Variants in OPHN1 observed in about 807,000 individuals in gnomAD.
OPHN1 encodes oligophrenin-1.
Under a neutral mutation model 60.7 loss-of-function variants are expected in OPHN1, and 11 were observed. The observed-to-expected ratio is 0.18, with a 90% CI of 0.11 to 0.30. OPHN1 has a LOEUF of 0.30. OPHN1 is among the 10% of genes least tolerant of loss of function. The pLI, the probability that OPHN1 is intolerant of heterozygous loss-of-function variation, is 1.00. For synonymous variants in OPHN1, 226 were observed against 222.6 expected (o/e 1.02, Z -0.14); for missense variants, 449 against 611.0 (o/e 0.73, Z 2.80).
At chrX:68,332,484 T>G (rs918422393) in intron 2 of OPHN1, among the ~76,000 whole-genome samples, 1 of 112,247 alleles carries the variant, frequency 8.9e-6, no homozygotes, top group African/African-American at 3.2e-5. Context: ...TTATCACCAA[T>G]AGTTAAGAAC....
At chrX:68,090,242 CTGTGTGTGTGTGTGTGTG>C (rs10549357) in intron 19 of OPHN1, among the ~76,000 whole-genome samples, 3 of 98,161 alleles carry the variant, frequency 3.1e-5, no homozygotes, top group African/African-American at 1.1e-4. Flanking sequence ...GTGTGTGTGT[CTGTGTGTGTGTGTGTGTG>C]TGTGTGTGTG....
At chrX:68,322,072 G>A (rs2078238481) in intron 2 of OPHN1, among the ~76,000 whole-genome samples, 1 of 111,130 alleles carries the variant, frequency 9.0e-6, no homozygotes, top group Non-Finnish European at 1.9e-5. Context: ...CCTGGCTCAG[G>A]TTATCCTCCC....
chrX:68,420,894 A>T (rs1367667375), intron 2 of OPHN1, among the ~76,000 whole-genome samples: 2 of 109,832 alleles, frequency 1.8e-5, no homozygotes, highest in East Asian at 2.9e-4. Flanking sequence ...AGAGTTCCTG[A>T]AGGGTAGAAA....
intron 5 of OPHN1, among the ~76,000 whole-genome samples, chrX:68,247,772 A>ACC: frequency 9.3e-6 from 1 of 107,092 alleles, no homozygotes; most frequent in African/African-American, 3.5e-5. Context: ...AAAAAAAAAC[A>ACC]CACAAAAATT....
At chrX:68,327,974 C>T (rs1162831541) in intron 2 of OPHN1, among the ~76,000 whole-genome samples, 7 of 101,467 alleles carry the variant, frequency 6.9e-5, no homozygotes, top group Non-Finnish European at 7.9e-5. Context: ...GGACTACAGG[C>T]GCCCGCCACC....
chrX:68,065,170 G>A (rs941183838), intron 20 of OPHN1, among the ~76,000 whole-genome samples: 1 of 110,991 alleles, frequency 9.0e-6, no homozygotes, highest in Admixed American at 9.6e-5. Flanking sequence ...CAGAGGTTCC[G>A]GCCAGCAAAT....
At chrX:68,264,892 G>A (rs1449081015) in intron 5 of OPHN1, among the ~76,000 whole-genome samples, 1 of 112,576 alleles carries the variant, frequency 8.9e-6, no homozygotes, top group Non-Finnish European at 1.9e-5. Context: ...CCCATGCATG[G>A]CTTGGAGGGT....
intron 5 of OPHN1, among the ~76,000 whole-genome samples, chrX:68,268,988 T>C (rs1486935329): frequency 2.7e-5 from 3 of 111,423 alleles, no homozygotes; most frequent in Non-Finnish European, 5.6e-5. Flanking sequence ...CCATTCACAA[T>C]TGCTTCAAAG....
chrX:68,180,439 T>C (rs1436843946), intron 15 of OPHN1, among the ~76,000 whole-genome samples: 1 of 111,792 alleles, frequency 8.9e-6, no homozygotes, highest in Non-Finnish European at 1.9e-5. Context: ...GATTATAGGG[T>C]CATTTAATGA....
intron 5 of OPHN1, among the ~76,000 whole-genome samples, chrX:68,269,258 A>C (rs933091902): frequency 1.8e-5 from 2 of 111,655 alleles, no homozygotes; most frequent in African/African-American, 3.3e-5. Flanking sequence ...ATATGGAACC[A>C]AAAAAGAGCC....
In OPHN1 at chrX:68,158,862, G is replaced by C. The variant is rs899234991; in HGVS notation, c.1276+34057C>G. Among the ~76,000 whole-genome samples, 3 of 112,129 alleles carry C rather than the reference G, an allele frequency of 2.7e-5. No homozygotes were observed. In the East Asian group the frequency reaches 8.4e-4, roughly 31 times the overall value. ...TCCTCAATCAAGTGACCAGTCACAG[G>C]ACGGAAGCTCTACCCTAGGAAAAGT... On this transcript the variant is annotated intron_variant, in intron 15 of 24. Coordinates refer to ENST00000355520, the MANE Select transcript of OPHN1 (RefSeq NM_002547.3).
chrX:68,288,619 C>T (rs1416777396), intron 3 of OPHN1, among the ~76,000 whole-genome samples: 5 of 110,312 alleles, frequency 4.5e-5, no homozygotes, highest in Non-Finnish European at 9.5e-5. Context: ...CAAAAATTAG[C>T]CGAGCGTGGA....
chrX:68,315,975 T>C (rs751977954), intron 2 of OPHN1, among the ~76,000 whole-genome samples: 1 of 110,095 alleles, frequency 9.1e-6, no homozygotes, highest in Non-Finnish European at 1.9e-5. Context: ...ATAATGACAG[T>C]CTCATAATCT....
intron 5 of OPHN1, among the ~76,000 whole-genome samples, chrX:68,270,299 T>C (rs1428912209): frequency 9.0e-6 from 1 of 110,649 alleles, no homozygotes; most frequent in Non-Finnish European, 1.9e-5. Context: ...CATATGTTTA[T>C]TGCGGCACTA....
intron 2 of OPHN1, among the ~76,000 whole-genome samples, chrX:68,324,688 T>G (rs2078251713): frequency 9.1e-6 from 1 of 109,441 alleles, no homozygotes; most frequent in African/African-American, 3.3e-5. Context: ...TCATAGCAAC[T>G]AAACATGTAA....
At chrX:68,301,381 G>C (rs2078119456) in intron 2 of OPHN1, among the ~76,000 whole-genome samples, 1 of 103,248 alleles carries the variant, frequency 9.7e-6, no homozygotes, top group Non-Finnish European at 2.0e-5. Context: ...GGGAGGTGGA[G>C]GTTGCAGCGA....
At chrX:68,212,901 G>C (rs1484485783) in intron 7 of OPHN1, among the ~76,000 whole-genome samples, 4 of 112,424 alleles carry the variant, frequency 3.6e-5, no homozygotes, top group Non-Finnish European at 7.5e-5. Context: ...AAAGTAAATA[G>C]ATAAATGAAT....
At chrX:68,220,524 A>T (rs1225874826) in intron 6 of OPHN1, among the ~76,000 whole-genome samples, 5,382 of 99,610 alleles carry the variant, frequency 0.054, 392 homozygotes, top group African/African-American at 0.19. Flanking sequence ...TTGATGCAAA[A>T]ATCCTCAATA....
chrX:68,292,405 T>C (rs144735991), intron 3 of OPHN1, among the ~76,000 whole-genome samples: 159 of 112,084 alleles, frequency 1.4e-3, no homozygotes, highest in African/African-American at 4.8e-3. Context: ...AATCTTTTTA[T>C]GGATTGATAT....
Sources: allele counts gnomAD v4.1 joint callset (sites outside exome capture counted in the v4.1 genomes callset), GRCh38; gene constraint gnomAD v4.1.1; transcripts MANE v1.5; gene names NCBI Gene and HGNC (gene_info 2026-07-23, HGNC 2026-07-21).